ENO3: variants seen among roughly 807,000 people sequenced by gnomAD.
The protein encoded by ENO3 is beta-enolase.
In ENO3, 46 loss-of-function variants were observed where a neutral mutation model predicts 47.7. The ratio of observed to expected loss-of-function variants is 0.96; its 90% CI spans 0.76 to 1.23. ENO3 has a LOEUF of 1.23. ENO3 is among the 50% of genes most tolerant of loss of function. The probability of loss-of-function intolerance (pLI) is 0.00; values close to 1 mark genes in which losing one functional copy is unlikely to be tolerated. For missense variants in ENO3, 575 were observed against 566.2 expected (o/e 1.02, Z -0.16); for synonymous variants, 223 against 225.9 (o/e 0.99, Z 0.11).
chr17:4,955,718 A>G lies in ENO3; in HGVS notation c.865+114A>G, dbSNP rs187019347. 98 of 1,498,110 alleles carry G rather than the reference A, an allele frequency of 6.5e-5. 1 individual carries two copies. Among genetic ancestry groups the G allele is most frequent in the Middle Eastern group, 5.1e-4 (3 of 5,850 alleles). 92.8% of individuals were successfully genotyped at this position (1,498,110 alleles called of 1,614,324 possible). ...TTGGATCCTTCCAATTCTTAGCCCC[A>G]TTAAAATCCCCATTTAAGCTCTTCT... On this transcript the variant is annotated intron_variant, in intron 8 of 11. Transcript: ENST00000519602.
In ENO3 at chr17:4,955,089, C is replaced by G; in HGVS notation, c.459C>G (p.Ile153Met). ...LILPVPAFNVINGGSHAGNKL... is the reference protein window; with the variant it reads ...LILPVPAFNVMNGGSHAGNKL... ...CCCCATCTCAGGCCTTCAATGTGAT[C>G]AACGGGGGCTCCCATGCTGGAAACA... Residue 153 changes from isoleucine to methionine, a missense_variant, in exon 7 of 12, where the codon ATC (isoleucine) becomes ATG (methionine). Coordinates refer to ENST00000519602, the MANE Select transcript of ENO3 (RefSeq NM_053013.4). 2 of 1,606,866 alleles carry G rather than the reference C, an allele frequency of 1.2e-6. No homozygotes were observed. The highest frequency in any genetic ancestry group is 1.7e-6 in the Non-Finnish European group (2 of 1,175,574).
At chr17:4,951,676 G>C in intron 1 of ENO3, 152 bp from the exon 2 acceptor site, 1 of 789,850 alleles carries the variant, frequency 1.3e-6, no homozygotes, top group Non-Finnish European at 2.2e-6. Flanking sequence ...GGAGGGGGCT[G>C]CGCCTGCCTC....
intron 2 of ENO3, chr17:4,952,149 T>C (rs1971559059): frequency 4.6e-6 from 3 of 645,382 alleles, no homozygotes; most frequent in Non-Finnish European, 5.7e-6. Context: ...CTTTGAGAGG[T>C]AGAGAGACTC....
At chr17:4,953,444 G>A (rs138639743) in intron 5 of ENO3, 103 bp downstream of exon 5, 1 of 1,518,646 alleles carries the variant, frequency 6.6e-7, no homozygotes, top group South Asian at 1.1e-5. Flanking sequence ...CCCATTTTGG[G>A]TCACACCGCA....
upstream of ENO3, among the ~76,000 whole-genome samples, chr17:4,949,962 A>C (rs1971492427): frequency 6.6e-6 from 1 of 150,644 alleles, no homozygotes; most frequent in Non-Finnish European, 1.5e-5. Flanking sequence ...GGGTGGAAAA[A>C]TCCCGGGAGG....
intron 6 of ENO3, 124 bp from the exon 7 acceptor site, chr17:4,954,951 C>T: frequency 1.5e-6 from 1 of 668,746 alleles, no homozygotes; most frequent in Non-Finnish European, 2.5e-6. Context: ...AGCAAAACTA[C>T]TCATCCTAGA....
intron 9 of ENO3, 33 bp downstream of exon 9, chr17:4,956,176 G>A: frequency 6.2e-7 from 1 of 1,609,110 alleles, no homozygotes. Context: ...GCTCACCATA[G>A]CCTGCCTCTG....
intron 2 of ENO3, 108 bp downstream of exon 2, chr17:4,952,022 C>A: frequency 8.1e-7 from 1 of 1,239,572 alleles, no homozygotes; most frequent in South Asian, 1.2e-5. Context: ...TTCCCTTTCC[C>A]AGACTTCTTC....
At position 4,956,057 on chromosome 17, in the gene ENO3, G is replaced by A; in HGVS notation, c.981G>A (p.Arg327=). ...ACTTGACAGTCACCAACCCCAAGAG[G>A]ATTGCCCAGGCCGTTGAGAAGAAGG... ...GDDLTVTNPK[R]IAQAVEKKAC... is the part of the protein sequence containing the mutation. The change falls in exon 9 of 12, where the codon AGG becomes AGA. Residue 327 remains arginine, a synonymous_variant. Coordinates refer to ENST00000519602, the MANE Select transcript of ENO3 (RefSeq NM_053013.4). 6.2e-7 allele frequency: 1 copy of A among 1,614,004 alleles called. No individual in the cohort carries two copies. The highest frequency in any genetic ancestry group is 2.2e-5 in the East Asian group (1 of 44,864).
At chr17:4,949,930 G>A (rs1046682536), upstream of ENO3, among the ~76,000 whole-genome samples, 1 of 152,016 alleles carries the variant, frequency 6.6e-6, no homozygotes, top group African/African-American at 2.4e-5. Context: ...CCTGACCCCT[G>A]GCCCACCGCA....
chr17:4,949,344 G>A (rs1047676274), upstream of ENO3: 4 of 152,284 alleles, frequency 2.6e-5, no homozygotes, highest in Non-Finnish European at 5.9e-5. Context: ...CCCTTCTCTG[G>A]ATCGGCTCTA....
rs77614413 is a variant in ENO3, at chr17:4,956,961, C to T, written c.1236-17C>T. The T allele has an allele frequency of 4.8e-3, 7,805 of 1,614,198 alleles. 275 individuals are homozygous for T. In the African/African-American group the frequency reaches 0.086, roughly 18 times the overall value. Reference sequence around the variant, plus strand: ...TAGGTTGGAAGTTCAGCAGCCCTAACCTTGCCTGCATTCTAGGATCGAGGA... The same window carrying T: ...TAGGTTGGAAGTTCAGCAGCCCTAATCTTGCCTGCATTCTAGGATCGAGGA... On this transcript the variant is annotated splice_polypyrimidine_tract_variant and intron_variant, in intron 11 of 11. Coordinates refer to ENST00000519602, the MANE Select transcript of ENO3 (RefSeq NM_053013.4).
At position 4,955,168 on chromosome 17, in the gene ENO3, G is replaced by A. The variant is rs766340206; in HGVS notation, c.538G>A (p.Glu180Lys). The A allele has an allele frequency of 3.1e-6, 5 of 1,614,110 alleles. No homozygotes were observed. In the African/African-American group the frequency reaches 6.7e-5, roughly 22 times the overall value. The change falls in exon 7 of 12, where the codon GAA (glutamate) becomes AAA (lysine). Residue 180 changes from glutamate (E) to lysine (K), a missense_variant. Physicochemically the swap from Glu to Lys is moderately conservative, Grantham distance 56 (BLOSUM62 1). Transcript: ENST00000519602. ...GCCTGTGGGAGCCAGCTCCTTCAAG[G>A]AAGCCATGCGCATTGGCGCCGAGGT... ...ILPVGASSFK[E>K]AMRIGAEVYH...
In ENO3 at chr17:4,953,864, C is replaced by T. The variant is rs1361145074; in HGVS notation, c.444+19C>T. 2 of 1,614,044 alleles carry T rather than the reference C, an allele frequency of 1.2e-6. No homozygotes were observed. The highest frequency in any genetic ancestry group is 2.2e-5 in the South Asian group (2 of 91,080). ...AGTGCCAGTGAGTGCAGCTACCCGC[C>T]CTTCCCAGATCTCGCCTGGACAGAG... On this transcript the variant is annotated intron_variant, in intron 6 of 11. Transcript: ENST00000519602.
intron 10 of ENO3, 62 bp from the exon 11 acceptor site, chr17:4,956,769 G>A: frequency 6.2e-7 from 1 of 1,614,094 alleles, no homozygotes; most frequent in South Asian, 1.1e-5. Flanking sequence ...CTCCCTTGGG[G>A]CCAGGTCCAA....
At position 4,951,915 on chromosome 17, in the gene ENO3, G is replaced by T; in HGVS notation, c.85+1G>T. The stretch of plus-strand genomic sequence containing the variant: ...GAGGTGGACCTGCACACGGCCAAGG[G>T]TAACACAAGGCCCATTGGATAGGCT... On this transcript the variant is annotated splice_donor_variant, in intron 2 of 11. Coordinates refer to ENST00000519602, the MANE Select transcript of ENO3 (RefSeq NM_053013.4). LOFTEE classifies it high-confidence loss of function. The T allele has an allele frequency of 6.2e-7, 1 of 1,614,156 alleles. No homozygotes were observed. The highest frequency in any genetic ancestry group is 8.5e-7 in the Non-Finnish European group (1 of 1,179,990).
At chr17:4,952,618 C>T (rs952458604) in intron 2 of ENO3, among the ~76,000 whole-genome samples, 177 bp from the exon 3 acceptor site, 2 of 152,194 alleles carry the variant, frequency 1.3e-5, no homozygotes, top group African/African-American at 4.8e-5. Context: ...CCACCGCGCC[C>T]GGCCTCAGCT....
chr17:4,952,436 C>T (rs1041196190), intron 2 of ENO3: 7 of 348,734 alleles, frequency 2.0e-5, no homozygotes, highest in South Asian at 9.1e-5. Context: ...CTCCGCCTCC[C>T]GGGTTCACGC....
At position 4,953,850 on chromosome 17, in the gene ENO3, G is replaced by A. The variant is rs375750458; in HGVS notation, c.444+5G>A. 35 of 1,614,016 alleles carry A rather than the reference G, an allele frequency of 2.2e-5. No homozygotes were observed. The highest frequency in any genetic ancestry group is 5.3e-5 in the African/African-American group (4 of 74,920). On this transcript the variant is annotated splice_donor_5th_base_variant and intron_variant, in intron 6 of 11. Coordinates refer to ENST00000519602, the MANE Select transcript of ENO3 (RefSeq NM_053013.4). ...GACCTCATACTCCCAGTGCCAGTGA[G>A]TGCAGCTACCCGCCCTTCCCAGATC...
Sources: allele counts gnomAD v4.1 joint callset (sites outside exome capture counted in the v4.1 genomes callset), GRCh38; gene constraint gnomAD v4.1.1; transcripts MANE v1.5; gene names NCBI Gene and HGNC (gene_info 2026-07-23, HGNC 2026-07-21).